The following ADAMTS12 variants were observed in gnomAD, a reference collection of about 807,000 sequenced individuals.
The protein encoded by ADAMTS12 is ADAM metallopeptidase with thrombospondin type 1 motif 12.
Under a neutral mutation model 167.8 loss-of-function variants are expected in ADAMTS12, and 118 were observed. The ratio of observed to expected loss-of-function variants is 0.70; its 90% CI spans 0.61 to 0.82. The LOEUF (loss-of-function observed/expected upper bound fraction) is 0.82, where lower values mean the gene tolerates loss of function less well. Among genes scored for constraint, ADAMTS12 ranks in the 40% least tolerant of loss-of-function variants. The pLI is 0.00. For synonymous variants in ADAMTS12, 704 were observed against 716.9 expected (o/e 0.98, Z 0.29); for missense variants, 1,916 against 1,998.8 (o/e 0.96, Z 0.79).
chr5:33,698,627 C>CCCATTTCCCCAATAAGT (rs11276005), intron 3 of ADAMTS12, among the ~76,000 whole-genome samples: 9,284 of 151,672 alleles, frequency 0.061, 424 homozygotes, highest in Non-Finnish European at 0.097. Context: ...TATCACTAGC[C>CCCATTTCCCCAATAAGT]CCATTACATT....
intron 21 of ADAMTS12, 24 bp from the exon 22 acceptor site, chr5:33,546,226 T>G (rs553708888): frequency 6.3e-7 from 1 of 1,594,150 alleles, no homozygotes; most frequent in African/African-American, 1.3e-5. Context: ...GTGACAAGAT[T>G]AGGTAAAAGT....
At chr5:33,763,563 A>C (rs1398352311) in intron 2 of ADAMTS12, among the ~76,000 whole-genome samples, 4 of 152,136 alleles carry the variant, frequency 2.6e-5, no homozygotes, top group Non-Finnish European at 5.9e-5. Context: ...TAGGAAACTA[A>C]TACACCCTAG....
At chr5:33,722,062 A>T (rs1438284829) in intron 3 of ADAMTS12, among the ~76,000 whole-genome samples, 2 of 152,202 alleles carry the variant, frequency 1.3e-5, no homozygotes, top group African/African-American at 2.4e-5. Flanking sequence ...ATAACTTGAC[A>T]TAAAAGCACT....
intron 11 of ADAMTS12, among the ~76,000 whole-genome samples, chr5:33,640,698 T>C (rs1740404166): frequency 6.6e-6 from 1 of 152,060 alleles, no homozygotes; most frequent in African/African-American, 2.4e-5. Flanking sequence ...CTTATAAATG[T>C]GGTAAATGAT....
At chr5:33,859,541 TG>T (rs897782935) in intron 2 of ADAMTS12, among the ~76,000 whole-genome samples, 9 of 152,212 alleles carry the variant, frequency 5.9e-5, no homozygotes, top group Non-Finnish European at 1.2e-4. Context: ...CCCATCTCCC[TG>T]GGACAGAGCA....
intron 2 of ADAMTS12, among the ~76,000 whole-genome samples, chr5:33,778,120 T>C (rs1745982547): frequency 6.6e-6 from 1 of 152,112 alleles, no homozygotes; most frequent in Non-Finnish European, 1.5e-5. Flanking sequence ...ACAGATTCTA[T>C]GTAATCCGTA....
At chr5:33,777,829 T>C (rs1452452257) in intron 2 of ADAMTS12, among the ~76,000 whole-genome samples, 1 of 152,014 alleles carries the variant, frequency 6.6e-6, no homozygotes, top group African/African-American at 2.4e-5. Flanking sequence ...TCAGTAAGGT[T>C]GCAAATACAA....
intron 19 of ADAMTS12, among the ~76,000 whole-genome samples, chr5:33,568,181 C>T (rs937944985): frequency 3.3e-5 from 5 of 152,164 alleles, no homozygotes; most frequent in Non-Finnish European, 4.4e-5. Context: ...CATCTCCTTC[C>T]TTCAACAAAT....
At chr5:33,745,051 C>T (rs1744731504) in intron 3 of ADAMTS12, among the ~76,000 whole-genome samples, 1 of 152,150 alleles carries the variant, frequency 6.6e-6, no homozygotes, top group Non-Finnish European at 1.5e-5. Context: ...CTCCTGGGGT[C>T]AGGTGATCCT....
chr5:33,634,395 T>C (rs995366026), intron 12 of ADAMTS12, among the ~76,000 whole-genome samples: 3 of 152,202 alleles, frequency 2.0e-5, no homozygotes, highest in South Asian at 2.1e-4. Context: ...GGGAAGGCGG[T>C]GTGCACATGA....
intron 23 of ADAMTS12, among the ~76,000 whole-genome samples, chr5:33,534,316 T>TC (rs11430863): frequency 0.5 from 75,304 of 151,538 alleles, 20,177 homozygotes; most frequent in East Asian, 0.77. Flanking sequence ...CTGTGTCTCC[T>TC]CGTTTTCCAT....
At chr5:33,839,790 GC>G (rs1174846623) in intron 2 of ADAMTS12, among the ~76,000 whole-genome samples, 2 of 152,132 alleles carry the variant, frequency 1.3e-5, no homozygotes. Context: ...ACAAACATTA[GC>G]CCTGCTTCTC....
At chr5:33,671,834 A>C (rs1390849540) in intron 5 of ADAMTS12, among the ~76,000 whole-genome samples, 1 of 151,074 alleles carries the variant, frequency 6.6e-6, no homozygotes, top group Non-Finnish European at 1.5e-5. Flanking sequence ...CCACACACCC[A>C]CACACTCACA....
At chr5:33,751,633 A>G (rs545715368) in intron 2 of ADAMTS12, 85 bp from the exon 3 acceptor site, 26 of 1,373,486 alleles carry the variant, frequency 1.9e-5, no homozygotes, top group Admixed American at 1.2e-4. Flanking sequence ...ATAGCTTATG[A>G]GTATCTCTGA....
intron 16 of ADAMTS12, among the ~76,000 whole-genome samples, chr5:33,607,115 G>A (rs1299220554): frequency 1.3e-5 from 2 of 151,704 alleles, no homozygotes; most frequent in Non-Finnish European, 2.9e-5. Context: ...TTTTTTCACC[G>A]ATAAGGATCA....
chr5:33,729,358 C>A (rs1201065620), intron 3 of ADAMTS12, among the ~76,000 whole-genome samples: 1 of 152,200 alleles, frequency 6.6e-6, no homozygotes, highest in Non-Finnish European at 1.5e-5. Context: ...ATTTGATCTA[C>A]CTCACTGGAA....
Position 33,786,526 on chromosome 5 carries a change from C to T in ADAMTS12, c.490-34978G>A, listed in dbSNP as rs73759102. Among the ~76,000 whole-genome samples the T allele has an allele frequency of 5.8e-3, 879 of 151,706 alleles. 10 individuals carry two copies. The highest frequency in any genetic ancestry group is 0.02 in the African/African-American group (842 of 41,342). ...AATAAATATTAGAAGTTGAAGAATA[C>T]CATCTATTATCAGGAGGCTGTACGT... On this transcript the variant is annotated intron_variant, in intron 2 of 23. Coordinates refer to ENST00000504830, the MANE Select transcript of ADAMTS12 (RefSeq NM_030955.4).
chr5:33,560,208 C>G (rs1745672152), intron 20 of ADAMTS12, among the ~76,000 whole-genome samples: 1 of 152,280 alleles, frequency 6.6e-6, no homozygotes, highest in South Asian at 2.1e-4. Flanking sequence ...CTCTGTACTT[C>G]TAAGACTTTT....
chr5:33,534,156 A>G (rs1006446348), intron 23 of ADAMTS12, among the ~76,000 whole-genome samples: 1 of 152,162 alleles, frequency 6.6e-6, no homozygotes, highest in African/African-American at 2.4e-5. Flanking sequence ...CTCCTGGGGT[A>G]GCCCTTGGCC....
Sources: gnomAD v4.1 joint callset for allele counts (sites outside exome capture counted in the v4.1 genomes callset) on GRCh38, gnomAD v4.1.1 for gene constraint, MANE v1.5 for transcripts, NCBI Gene and HGNC (gene_info 2026-07-23, HGNC 2026-07-21) for gene names.